The following ITGA11 variants were observed in gnomAD, a reference collection of about 807,000 sequenced individuals.
ITGA11 encodes integrin alpha-11.
Under a neutral mutation model 141.9 loss-of-function variants are expected in ITGA11, and 97 were observed. The observed-to-expected ratio is 0.68, with a 90% CI of 0.58 to 0.81. The LOEUF is 0.81. ITGA11 is among the 30% of genes least tolerant of loss of function. The pLI, the probability that ITGA11 is intolerant of heterozygous loss-of-function variation, is 0.00. For missense variants in ITGA11, 1,387 were observed against 1,559.2 expected (o/e 0.89, Z 1.86); for synonymous variants, 658 against 624.6 (o/e 1.05, Z -0.80).
rs763877833 is a variant in ITGA11, at chr15:68,363,988, G to A, written c.357+719C>T. Among the ~76,000 whole-genome samples the A allele has an allele frequency of 3.5e-4, 53 of 152,208 alleles. 1 individual carries two copies. The highest frequency in any genetic ancestry group is 7.3e-5 in the Non-Finnish European group (5 of 68,030). On this transcript the variant is annotated intron_variant, in intron 4 of 29. Transcript: ENST00000315757. Reference sequence around the variant, plus strand: ...CCACAGTGTAAGCTCCAGCAGGACAGGGTCTCTATTCATTGCTGAATCCCG... The same window carrying A: ...CCACAGTGTAAGCTCCAGCAGGACAAGGTCTCTATTCATTGCTGAATCCCG...
rs1189545913 is a variant in ITGA11 at position 68,328,487 on chromosome 15, C to T, written c.1902-225G>A. 6.6e-6 allele frequency among the ~76,000 whole-genome samples: 1 copy of T among 152,194 alleles called. No individual in the cohort carries two copies. The highest frequency in any genetic ancestry group is 1.5e-5 in the Non-Finnish European group (1 of 68,026). On this transcript the variant is annotated intron_variant, in intron 15 of 29. Transcript: ENST00000315757. This position sits in a 1 kb window ranked among gnomAD's most constrained non-coding sequence, Gnocchi z 4.8. ...AAGGGGCTCAGCCACCTCATGGCCC[C>T]TCCATGCAGCCCCTCAGCACTTTCC...
At chr15:68,349,630 T>G (rs1894843181) in intron 9 of ITGA11, among the ~76,000 whole-genome samples, 1 of 152,230 alleles carries the variant, frequency 6.6e-6, no homozygotes, top group Non-Finnish European at 1.5e-5. Flanking sequence ...CACTGCAGAC[T>G]TCTCAGGCTT....
intron 10 of ITGA11, among the ~76,000 whole-genome samples, chr15:68,341,902 T>G (rs764752304): frequency 4.6e-5 from 7 of 152,200 alleles, no homozygotes; most frequent in Non-Finnish European, 7.4e-5. Flanking sequence ...TTGGCAACAC[T>G]TGGCCAGGCG....
At position 68,332,587 on chromosome 15, in the gene ITGA11, T is replaced by C. The variant is rs1894212916; in HGVS notation, c.1426-109A>G. The C allele has an allele frequency of 6.8e-6, 9 of 1,314,604 alleles. No individual in the cohort carries two copies. The South Asian group carries it at 1.0e-4, about 15-fold the overall frequency. 81.4% of individuals were successfully genotyped at this position (1,314,604 alleles called of 1,614,324 possible). A position where few individuals can be genotyped will look rare whatever the true frequency, so the allele number is the denominator to read the frequency against. Reference sequence around the variant, plus strand: ...CCAAGGTCATCCTTTGACTCAGAATTTTTGGTGAACAAATGGATCCTCCCT... The same window carrying C: ...CCAAGGTCATCCTTTGACTCAGAATCTTTGGTGAACAAATGGATCCTCCCT... On this transcript the variant is annotated intron_variant, in intron 12 of 29. Coordinates refer to ENST00000315757, the MANE Select transcript of ITGA11 (RefSeq NM_001004439.2).
intron 10 of ITGA11, among the ~76,000 whole-genome samples, chr15:68,342,643 C>T (rs1356385401): frequency 6.6e-6 from 1 of 152,216 alleles, no homozygotes; most frequent in Non-Finnish European, 1.5e-5. Context: ...TCCGGCCAGT[C>T]CATGTCCCAA....
In ITGA11 at chr15:68,303,798, C is replaced by T. The variant is rs756075789; in HGVS notation, c.3469G>A (p.Ala1157Thr). ...GSTLGGLLLLALLVLALWKLG... is the reference protein window; with the variant it reads ...GSTLGGLLLLTLLVLALWKLG... Reference sequence around the variant, plus strand: ...TTCCACAGTGCCAGGACCAGCAGGGCCAGCAGTAGGAGGCCCCCCAGGGTG... The same window carrying T: ...TTCCACAGTGCCAGGACCAGCAGGGTCAGCAGTAGGAGGCCCCCCAGGGTG... Residue 1157 changes from alanine to threonine, a missense_variant, in exon 29 of 30, where the codon GCC (alanine) becomes ACC (threonine). Ala to Thr is a moderately conservative substitution (Grantham distance 58). Coordinates refer to ENST00000315757, the MANE Select transcript of ITGA11 (RefSeq NM_001004439.2). The surrounding 1 kb of genome is among the most constrained non-coding windows in gnomAD (Gnocchi z 5.3). 35 of 1,612,536 alleles carry T rather than the reference C, an allele frequency of 2.2e-5. No homozygotes were observed. In the East Asian group the frequency reaches 7.6e-4, roughly 35 times the overall value.
chr15:68,383,717 C>T (rs1000654682), intron 2 of ITGA11, among the ~76,000 whole-genome samples: 13 of 152,182 alleles, frequency 8.5e-5, no homozygotes, highest in African/African-American at 3.1e-4. Flanking sequence ...TTATAGAAAG[C>T]CACTCTCAAG....
chr15:68,331,175 G>T lies in ITGA11; in HGVS notation c.1771-64C>A, dbSNP rs567301892. 2.1e-6 allele frequency: 3 copies of T among 1,440,810 alleles called. No individual in the cohort carries two copies. In the African/African-American group the frequency reaches 4.2e-5, roughly 20 times the overall value. 89.3% of individuals were successfully genotyped at this position (1,440,810 alleles called of 1,614,324 possible). Reference sequence around the variant, plus strand: ...TGTGAGTGTGGGGGCGGGCGTCCCCGAGCAGCAGGAACAATCAGGAACAAT... The same window carrying T: ...TGTGAGTGTGGGGGCGGGCGTCCCCTAGCAGCAGGAACAATCAGGAACAAT... On this transcript the variant is annotated intron_variant, in intron 14 of 29. Coordinates refer to ENST00000315757, the MANE Select transcript of ITGA11 (RefSeq NM_001004439.2).
chr15:68,405,871 C>T (rs1401219657), intron 1 of ITGA11, among the ~76,000 whole-genome samples: 1 of 152,068 alleles, frequency 6.6e-6, no homozygotes, highest in East Asian at 1.9e-4. Flanking sequence ...CACGTATGCA[C>T]ACATGCACAC....
intron 20 of ITGA11, among the ~76,000 whole-genome samples, chr15:68,319,529 G>A (rs965691828): frequency 2.6e-5 from 4 of 152,230 alleles, no homozygotes; most frequent in African/African-American, 9.6e-5. Context: ...GGAGGTGGGT[G>A]AGATGGGCCT....
intron 26 of ITGA11, among the ~76,000 whole-genome samples, chr15:68,310,283 G>A (rs1006474815): frequency 4.6e-5 from 7 of 152,194 alleles, no homozygotes; most frequent in African/African-American, 1.7e-4. Context: ...TTTATTAGGT[G>A]AAAGTTACTA....
At chr15:68,377,211 T>C (rs952273529) in intron 2 of ITGA11, among the ~76,000 whole-genome samples, 1 of 152,230 alleles carries the variant, frequency 6.6e-6, no homozygotes, top group African/African-American at 2.4e-5. Context: ...TCTTTGTGTA[T>C]TAAAGGTAAA....
rs1286332666 is a variant in ITGA11 at position 68,369,196 on chromosome 15, T to C, written c.253A>G (p.Lys85Glu). The C allele has an allele frequency of 3.7e-6, 6 of 1,613,560 alleles. No individual in the cohort carries two copies. Among genetic ancestry groups the C allele is most frequent in the Non-Finnish European group, 5.1e-6 (6 of 1,179,574 alleles). Residue 85 changes from lysine (K) to glutamate (E), a missense_variant, in exon 3 of 30, where the codon AAA becomes GAA. Transcript: ENST00000315757. ...KCPVIHGNCTKLNLGRVTLSN... is the reference protein window; with the variant it reads ...KCPVIHGNCTELNLGRVTLSN... ...CAGCCCACGTTACCCAGGTTGAGTT[T>C]GGTGCAGTTCCCGTGGATCACTGGA...
chr15:68,345,746 A>C (rs74020083), intron 10 of ITGA11, among the ~76,000 whole-genome samples: 1 of 152,106 alleles, frequency 6.6e-6, no homozygotes, highest in East Asian at 1.9e-4. Context: ...TGCTCAGGGC[A>C]AAGTGGAAAG....
intron 2 of ITGA11, among the ~76,000 whole-genome samples, chr15:68,393,377 G>A (rs1229597236): frequency 9.2e-5 from 14 of 152,230 alleles, no homozygotes; most frequent in Middle Eastern, 3.4e-3. Context: ...GATTCAAGAA[G>A]CTTTGGAAAC....
intron 1 of ITGA11, among the ~76,000 whole-genome samples, chr15:68,407,715 C>T (rs2140419671): frequency 6.6e-6 from 1 of 152,314 alleles, no homozygotes; most frequent in South Asian, 2.1e-4. Flanking sequence ...CTGTTGCTCC[C>T]TTTCTCAGAA....
At chr15:68,317,440 G>T in intron 20 of ITGA11, 77 bp from the exon 21 acceptor site, 3 of 989,156 alleles carry the variant, frequency 3.0e-6, no homozygotes, top group Non-Finnish European at 4.9e-6. Flanking sequence ...CTCACCCCCA[G>T]CCTGCACCCC....
At chr15:68,320,141 C>T (rs185043824) in intron 20 of ITGA11, 44 bp downstream of exon 20, 233 of 1,573,694 alleles carry the variant, frequency 1.5e-4, no homozygotes, top group Admixed American at 9.5e-4. Context: ...TCCTTTTCCT[C>T]TGTGCCAGGC....
At position 68,322,597 on chromosome 15, in the gene ITGA11, T is replaced by G. The variant is rs1163617365; in HGVS notation, c.2323-1094A>C. 1.3e-5 allele frequency among the ~76,000 whole-genome samples: 2 copies of G among 152,042 alleles called. No individual in the cohort carries two copies. Among genetic ancestry groups the G allele is most frequent in the Non-Finnish European group, 2.9e-5 (2 of 68,000 alleles). Reference sequence around the variant, plus strand: ...AAAAGCAGGGGTTGGCTGGGCGTGGTGGCTCACACCTGTAATCCTAGCACT... The same window carrying G: ...AAAAGCAGGGGTTGGCTGGGCGTGGGGGCTCACACCTGTAATCCTAGCACT... On this transcript the variant is annotated intron_variant, in intron 18 of 29. Transcript: ENST00000315757. This position sits in a 1 kb window ranked among gnomAD's most constrained non-coding sequence, Gnocchi z 5.6.
Sources: gnomAD v4.1 joint callset for allele counts (sites outside exome capture counted in the v4.1 genomes callset) on GRCh38, gnomAD v4.1.1 for gene constraint, Gnocchi (gnomAD v3.1) non-coding constraint, MANE v1.5 for transcripts, NCBI Gene and HGNC (gene_info 2026-07-23, HGNC 2026-07-21) for gene names.